CDH13: variants seen among roughly 807,000 people sequenced by gnomAD.
The protein encoded by CDH13 is cadherin-13.
In CDH13, 24 loss-of-function variants were observed where a neutral mutation model predicts 63.8. That is an observed-to-expected ratio of 0.38 (90% CI 0.27 to 0.53). CDH13 has a LOEUF of 0.53. Ranked by LOEUF, CDH13 falls within the 20% of genes least tolerant of loss-of-function variation. The pLI is 0.85. For synonymous variants in CDH13, 503 were observed against 355.3 expected, an observed-to-expected ratio of 1.42 and a Z score of -4.67; for missense variants, 1,049 against 903.1, an observed-to-expected ratio of 1.16 and a Z score of -2.07.
chr16:83,636,159 G>GTTGATCTA (rs1431525656), intron 8 of CDH13, among the ~76,000 whole-genome samples: 1 of 151,454 alleles, frequency 6.6e-6, no homozygotes, highest in Non-Finnish European at 1.5e-5. Context: ...CGTGTCCTCC[G>GTTGATCTA]TTCTGTCCCA....
At chr16:83,418,952 C>A (rs1406251936) in intron 6 of CDH13, among the ~76,000 whole-genome samples, 1 of 152,062 alleles carries the variant, frequency 6.6e-6, no homozygotes, top group East Asian at 1.9e-4. Flanking sequence ...TAGGGAATGG[C>A]AAAGCCCCCT....
chr16:83,071,236 A>G (rs2032416146), intron 3 of CDH13, among the ~76,000 whole-genome samples: 1 of 152,214 alleles, frequency 6.6e-6, no homozygotes, highest in Non-Finnish European at 1.5e-5. Flanking sequence ...TGTGGACTGA[A>G]TGCTTCATTC....
At chr16:83,143,019 G>A (rs1457677833) in intron 4 of CDH13, among the ~76,000 whole-genome samples, 4 of 152,156 alleles carry the variant, frequency 2.6e-5, no homozygotes, top group African/African-American at 7.2e-5. Flanking sequence ...CAGGAAAATC[G>A]CTTGAACCCG....
chr16:83,271,492 C>T (rs1413741158), intron 5 of CDH13, among the ~76,000 whole-genome samples: 1 of 27,856 alleles, frequency 3.6e-5, no homozygotes, highest in East Asian at 6.3e-3. Flanking sequence ...GCATAATGGG[C>T]TTTTATTTAA....
intron 2 of CDH13, among the ~76,000 whole-genome samples, chr16:82,864,275 A>G (rs1235113621): frequency 6.6e-6 from 1 of 152,220 alleles, no homozygotes; most frequent in Non-Finnish European, 1.5e-5. Flanking sequence ...TGTTGACAAA[A>G]GAGAGTGAGT....
chr16:83,586,540 G>T (rs1319442669), intron 7 of CDH13, among the ~76,000 whole-genome samples: 2 of 152,186 alleles, frequency 1.3e-5, no homozygotes, highest in Non-Finnish European at 2.9e-5. Flanking sequence ...ATGTTAAGTC[G>T]TAACATCTGA....
At chr16:83,717,486 A>G (rs1034689765) in intron 10 of CDH13, among the ~76,000 whole-genome samples, 6 of 152,228 alleles carry the variant, frequency 3.9e-5, no homozygotes, top group Admixed American at 2.0e-4. Context: ...GGCAGCTGAG[A>G]AACAGGCCCA....
intron 5 of CDH13, among the ~76,000 whole-genome samples, chr16:83,241,342 T>A (rs184438485): frequency 2.0e-5 from 3 of 152,234 alleles, no homozygotes; most frequent in African/African-American, 4.8e-5. Context: ...CTTTCAGATA[T>A]GTAGCCAGGA....
intron 5 of CDH13, among the ~76,000 whole-genome samples, chr16:83,237,440 T>G (rs1473652723): frequency 6.6e-6 from 1 of 152,240 alleles, no homozygotes; most frequent in African/African-American, 2.4e-5. Context: ...CTCTCTGCAA[T>G]GATAGAAGTG....
chr16:83,735,592 T>A (rs1911467792), intron 10 of CDH13: 1 of 152,208 alleles, frequency 6.6e-6, no homozygotes, highest in African/African-American at 2.4e-5. Flanking sequence ...CACAGATACA[T>A]GAAATAATAA....
At chr16:83,248,854 A>G (rs1032452025) in intron 5 of CDH13, among the ~76,000 whole-genome samples, 4 of 152,154 alleles carry the variant, frequency 2.6e-5, no homozygotes, top group Non-Finnish European at 4.4e-5. Flanking sequence ...AGTGTAGGCA[A>G]TTGTCCACTT....
chr16:82,708,726 G>A (rs548190735), intron 1 of CDH13, among the ~76,000 whole-genome samples: 2 of 152,270 alleles, frequency 1.3e-5, no homozygotes, highest in South Asian at 2.1e-4. Context: ...TCAGCTGTCT[G>A]CGCTTATCCA....
intron 7 of CDH13, among the ~76,000 whole-genome samples, chr16:83,590,149 TGAAG>T (rs1272518093): frequency 1.3e-5 from 2 of 152,170 alleles, no homozygotes; most frequent in Non-Finnish European, 2.9e-5. Flanking sequence ...CTGTAGCCAC[TGAAG>T]GGTTTTAAGG....
chr16:83,536,238 A>G lies in CDH13; in HGVS notation c.960+49583A>G, dbSNP rs866585721. 5.3e-5 allele frequency among the ~76,000 whole-genome samples: 8 copies of G among 152,352 alleles called. No homozygotes were observed. In the South Asian group the frequency reaches 8.3e-4, roughly 16 times the overall value. On this transcript the variant is annotated intron_variant, in intron 7 of 13. Coordinates refer to ENST00000567109, the MANE Select transcript of CDH13 (RefSeq NM_001257.5). Reference sequence around the variant, plus strand: ...AGTCATTGTCTTCATAGAGCTTACAATGTAGTTGGGGGGACCAATATTAGT... The same window carrying G: ...AGTCATTGTCTTCATAGAGCTTACAGTGTAGTTGGGGGGACCAATATTAGT...
chr16:83,741,512 GTGTATATATA>G (rs1271851000), intron 10 of CDH13, among the ~76,000 whole-genome samples: 2 of 151,740 alleles, frequency 1.3e-5, no homozygotes, highest in East Asian at 1.9e-4. Context: ...GTGTGTGTGT[GTGTATATATA>G]TGTGTGTATA....
At chr16:82,931,873 A>G (rs1188637897) in intron 2 of CDH13, among the ~76,000 whole-genome samples, 1 of 152,160 alleles carries the variant, frequency 6.6e-6, no homozygotes, top group African/African-American at 2.4e-5. Context: ...TATGGGAGCT[A>G]CAATTCAAGA....
intron 10 of CDH13, among the ~76,000 whole-genome samples, chr16:83,727,909 G>A (rs1190513990): frequency 6.6e-6 from 1 of 152,194 alleles, no homozygotes; most frequent in African/African-American, 2.4e-5. Flanking sequence ...TCTCAAAGGA[G>A]CTTTTGGGAT....
At chr16:83,672,481 G>GTGGCCTGATCT (rs1400330369) in intron 9 of CDH13, among the ~76,000 whole-genome samples, 1 of 132,702 alleles carries the variant, frequency 7.5e-6, no homozygotes, top group Non-Finnish European at 1.5e-5. Context: ...CTGGAGTGCA[G>GTGGCCTGATCT]TGGCCTGATC....
intron 10 of CDH13, among the ~76,000 whole-genome samples, chr16:83,713,896 C>G (rs1598556282): frequency 6.6e-6 from 1 of 152,198 alleles, no homozygotes; most frequent in East Asian, 1.9e-4. Flanking sequence ...CTCAAAGAGG[C>G]TTTGGTCAGG....
Sources: gnomAD v4.1 joint callset for allele counts (sites outside exome capture counted in the v4.1 genomes callset) on GRCh38, gnomAD v4.1.1 for gene constraint, MANE v1.5 for transcripts, NCBI Gene and HGNC (gene_info 2026-07-23, HGNC 2026-07-21) for gene names.